TVP23C: variants seen among roughly 807,000 people sequenced by gnomAD.
TVP23C encodes trans-golgi network vesicle protein 23 homolog C.
A neutral mutation model predicts 28.7 loss-of-function variants in TVP23C; 19 were observed. The ratio of observed to expected loss-of-function variants is 0.66; its 90% CI spans 0.46 to 0.97. TVP23C has a LOEUF of 0.97. Among genes scored for constraint, TVP23C ranks in the 50% least tolerant of loss-of-function variants. TVP23C has a pLI of 0.00. For missense variants in TVP23C, 186 were observed against 241.3 expected, an observed-to-expected ratio of 0.77 and a Z score of 1.52; for synonymous variants, 68 against 81.7, an observed-to-expected ratio of 0.83 and a Z score of 0.90.
At chr17:15,518,361 C>A (rs1230610356) in intron 5 of TVP23C, among the ~76,000 whole-genome samples, 1 of 152,110 alleles carries the variant, frequency 6.6e-6, no homozygotes, top group Non-Finnish European at 1.5e-5. Context: ...CACATCCAAG[C>A]TAAAAAGCTT....
chr17:15,533,340 T>C (rs1481200454), downstream of TVP23C, among the ~76,000 whole-genome samples: 8 of 152,232 alleles, frequency 5.3e-5, no homozygotes, highest in Non-Finnish European at 1.2e-4. Context: ...TTACCATTAA[T>C]GTACCCACTA....
rs1567639241 is a variant in TVP23C, at chr17:15,539,234, G to A, written c.*1178C>T. On this transcript the variant is annotated 3_prime_UTR_variant, in exon 6 of 6. Coordinates refer to ENST00000518321, the MANE Select transcript of TVP23C (RefSeq NM_001135036.2). The stretch of plus-strand genomic sequence containing the variant: ...CTCTAGGTGATTCTCATGTATGTTC[G>A]AGTTTAAGAATCCCTGTCCTACATA... The A allele has an allele frequency of 3.0e-6, 3 of 983,948 alleles. No individual in the cohort carries two copies. The highest frequency in any genetic ancestry group is 3.6e-6 in the Non-Finnish European group (3 of 828,708). The allele number at this position is 983,948 out of a possible 1,614,324, so 61.0% of individuals were successfully genotyped here.
rs16940991 is a variant in TVP23C at position 15,538,172 on chromosome 17, G to T, written c.*2240C>A. The T allele has an allele frequency of 6.2e-7, 1 of 1,608,274 alleles. No individual in the cohort carries two copies. ...CAGTGTTCCGCAAAAGACAAAAAAA[G>T]AACTCCTTAACATCAAAGTTATTTC... On this transcript the variant is annotated 3_prime_UTR_variant, in exon 6 of 6. Coordinates refer to ENST00000518321, the MANE Select transcript of TVP23C (RefSeq NM_001135036.2).
chr17:15,561,995 T>C (rs1005695600), intron 1 of TVP23C, among the ~76,000 whole-genome samples: 1 of 152,104 alleles, frequency 6.6e-6, no homozygotes, highest in Non-Finnish European at 1.5e-5. Context: ...CATGCCAGTT[T>C]ACAAATGCCA....
At chr17:15,542,625 T>C (rs1988028) in intron 5 of TVP23C, among the ~76,000 whole-genome samples, 68,534 of 151,814 alleles carry the variant, frequency 0.45, 16,914 homozygotes, top group Non-Finnish European at 0.57. Flanking sequence ...TACAGGTGCC[T>C]GCCACCACAC....
At chr17:15,558,552 C>G (rs550670574) in intron 1 of TVP23C, among the ~76,000 whole-genome samples, 1 of 148,466 alleles carries the variant, frequency 6.7e-6, no homozygotes, top group African/African-American at 2.5e-5. Flanking sequence ...GACATGATTA[C>G]AATGGTCCTT....
intron 3 of TVP23C, among the ~76,000 whole-genome samples, chr17:15,547,968 A>T (rs1567642065): frequency 1.3e-5 from 2 of 149,650 alleles, no homozygotes; most frequent in African/African-American, 2.4e-5. Context: ...CTCGATGGGT[A>T]AAAAAAAATG....
intron 3 of TVP23C, among the ~76,000 whole-genome samples, chr17:15,547,374 C>G (rs1983693087): frequency 6.6e-6 from 1 of 152,084 alleles, no homozygotes; most frequent in Non-Finnish European, 1.5e-5. Context: ...ACAAGTCCAC[C>G]CATAAACATT....
intron 5 of TVP23C, chr17:15,531,079 A>G (rs1257068324): frequency 6.6e-6 from 1 of 152,222 alleles, no homozygotes; most frequent in Non-Finnish European, 1.5e-5. Flanking sequence ...TGCTGGATCT[A>G]AAATTCTCTG....
intron 5 of TVP23C, among the ~76,000 whole-genome samples, chr17:15,544,845 A>T (rs1983573482): frequency 6.6e-6 from 1 of 152,136 alleles, no homozygotes; most frequent in Non-Finnish European, 1.5e-5. Flanking sequence ...GAAAAAAAGA[A>T]TCTATATCAC....
Position 15,554,813 on chromosome 17 carries a change from A to T in TVP23C, c.95+469T>A, listed in dbSNP as rs374537439. ...GGACATTTCATATAAATGAAATCATACAATATGTGGTCTTTTGTGACTGGC... is the reference window on the plus strand; with the variant it reads ...GGACATTTCATATAAATGAAATCATTCAATATGTGGTCTTTTGTGACTGGC... On this transcript the variant is annotated intron_variant, in intron 2 of 5. Coordinates refer to ENST00000518321, the MANE Select transcript of TVP23C (RefSeq NM_001135036.2). 4.3e-3 allele frequency among the ~76,000 whole-genome samples: 657 copies of T among 152,318 alleles called. 3 individuals are homozygous for T. The highest frequency in any genetic ancestry group is 6.9e-3 in the Non-Finnish European group (469 of 68,024).
rs969612706 is a variant in TVP23C, at chr17:15,557,807, G to A, written c.13-2443C>T. ...CAGGGCACTGGAGAAGCTTTCTGGAGGAGAGTTTGTCAGCTGGGCCCTGAC... is the reference window on the plus strand; with the variant it reads ...CAGGGCACTGGAGAAGCTTTCTGGAAGAGAGTTTGTCAGCTGGGCCCTGAC... On this transcript the variant is annotated intron_variant, in intron 1 of 5. Transcript: ENST00000518321. Among the ~76,000 whole-genome samples, 6 of 140,596 alleles carry A rather than the reference G, an allele frequency of 4.3e-5. 1 individual carries two copies. Among genetic ancestry groups the A allele is most frequent in the African/African-American group, 1.5e-4 (6 of 39,496 alleles). 92.2% of individuals were successfully genotyped at this position (140,596 alleles called of 152,430 possible). A position where few individuals can be genotyped will look rare whatever the true frequency, so the allele number is the denominator to read the frequency against.
At chr17:15,506,535 G>A (rs897521815) in intron 5 of TVP23C, among the ~76,000 whole-genome samples, 1 of 152,220 alleles carries the variant, frequency 6.6e-6, no homozygotes, top group African/African-American at 2.4e-5. Flanking sequence ...AGCAGGCTGT[G>A]GGCGCCAGCA....
chr17:15,509,641 C>T (rs1981917920), intron 5 of TVP23C, among the ~76,000 whole-genome samples: 1 of 152,190 alleles, frequency 6.6e-6, no homozygotes, highest in African/African-American at 2.4e-5. Flanking sequence ...GTGAGAGAAT[C>T]GCTTGAGCCT....
At chr17:15,544,248 T>C (rs528907747) in intron 5 of TVP23C, among the ~76,000 whole-genome samples, 2 of 152,340 alleles carry the variant, frequency 1.3e-5, no homozygotes, top group Admixed American at 6.5e-5. Context: ...AATAGGCTCA[T>C]ATGTTTAAAC....
At chr17:15,553,426 T>C (rs571764080) in intron 3 of TVP23C, among the ~76,000 whole-genome samples, 8 of 152,204 alleles carry the variant, frequency 5.3e-5, no homozygotes, top group African/African-American at 7.2e-5. Context: ...GTTTGTTTAT[T>C]TGACTTTAAA....
intron 5 of TVP23C, among the ~76,000 whole-genome samples, chr17:15,511,483 G>A (rs1216832861): frequency 6.6e-6 from 1 of 152,166 alleles, no homozygotes; most frequent in Non-Finnish European, 1.5e-5. Flanking sequence ...CAAACAACTG[G>A]TTTTAGGTCC....
rs56346847 is a variant in TVP23C, at chr17:15,559,313, T to TAAAA, written c.13-3953_13-3950dup. On this transcript the variant is annotated intron_variant, in intron 1 of 5. Coordinates refer to ENST00000518321, the MANE Select transcript of TVP23C (RefSeq NM_001135036.2). ...GGTACTGCTGTAAGTGGTACAGATT[T>TAAAA]AAAAAAAAAAAAAAAAAAAAAAAGA... Among the ~76,000 whole-genome samples, 75 of 105,170 alleles carry TAAAA rather than the reference T, an allele frequency of 7.1e-4. 2 individuals are homozygous for TAAAA. Among genetic ancestry groups the TAAAA allele is most frequent in the South Asian group, 3.0e-3 (9 of 2,980 alleles). The allele number at this position is 105,170 out of a possible 152,430, so 69.0% of individuals were successfully genotyped here. A position where few individuals can be genotyped will look rare whatever the true frequency, so the allele number is the denominator to read the frequency against.
intron 1 of TVP23C, among the ~76,000 whole-genome samples, chr17:15,559,694 G>A (rs1271505400): frequency 6.7e-6 from 1 of 148,926 alleles, no homozygotes; most frequent in Non-Finnish European, 1.5e-5. Flanking sequence ...ATGCAGTGGA[G>A]GTGATGAGAA....
Sources: allele counts gnomAD v4.1 joint callset (sites outside exome capture counted in the v4.1 genomes callset), GRCh38; gene constraint gnomAD v4.1.1; transcripts MANE v1.5; gene names NCBI Gene and HGNC (gene_info 2026-07-23, HGNC 2026-07-21).